The following RABGGTB variants were observed in gnomAD, a reference collection of about 807,000 sequenced individuals.
RABGGTB encodes geranylgeranyl transferase type-2 subunit beta.
Under a neutral mutation model 44.5 loss-of-function variants are expected in RABGGTB, and 20 were observed. The ratio of observed to expected loss-of-function variants is 0.45; its 90% CI spans 0.32 to 0.65. The LOEUF (loss-of-function observed/expected upper bound fraction) is 0.65. Among genes scored for constraint, RABGGTB ranks in the 30% least tolerant of loss-of-function variants. RABGGTB has a pLI of 0.05. For missense variants in RABGGTB, 302 were observed against 398.7 expected (o/e 0.76, Z 2.06); for synonymous variants, 128 against 136.7 (o/e 0.94, Z 0.44).
rs771875525 is a variant in RABGGTB, at chr1:75,787,524, A to G, written c.31A>G (p.Lys11Glu). The G allele has an allele frequency of 6.2e-6, 10 of 1,614,024 alleles. No homozygotes were observed. The highest frequency in any genetic ancestry group is 6.8e-6 in the Non-Finnish European group (8 of 1,179,876). Residue 11 changes from lysine to glutamate, a missense_variant, in exon 2 of 9, where the codon AAG becomes GAG. Physicochemically the swap from Lys to Glu is moderately conservative, Grantham distance 56. Around this residue, in one of 2 missense-constraint regions of RABGGTB, gnomAD observed 89 missense variants for 75.0 expected, o/e 1.19. Coordinates refer to ENST00000319942, the MANE Select transcript of RABGGTB (RefSeq NM_004582.4). Reference sequence around the variant, plus strand: ...CACTCCACAGAAGGATGTTATTATCAAGTCAGATGCACCGGACACTTTGTT... The same window carrying G: ...CACTCCACAGAAGGATGTTATTATCGAGTCAGATGCACCGGACACTTTGTT... MGTPQKDVIIKSDAPDTLLLE... is the reference protein window; with the variant it reads MGTPQKDVIIESDAPDTLLLE...
chr1:75,792,617 T>A (rs2100489571), intron 7 of RABGGTB, among the ~76,000 whole-genome samples: 1 of 152,288 alleles, frequency 6.6e-6, no homozygotes, highest in African/African-American at 2.4e-5. Context: ...TTTGCAATCT[T>A]CTTATTTAAG....
Position 75,789,353 on chromosome 1 carries a change from C to T in RABGGTB, c.306C>T (p.Val102=). 6.2e-7 allele frequency: 1 copy of T among 1,612,558 alleles called. No homozygotes were observed. The highest frequency in any genetic ancestry group is 8.5e-7 in the Non-Finnish European group (1 of 1,178,592). The change falls in exon 3 of 9, where the codon GTC becomes GTT. Residue 102 remains valine, a synonymous_variant. Coordinates refer to ENST00000319942, the MANE Select transcript of RABGGTB (RefSeq NM_004582.4). The part of the protein sequence containing the change: ...DPHLLYTLSA[V]QILTLYDSIN... Reference sequence around the variant, plus strand: ...ATCTTTTATACACTCTTAGTGCTGTCCAGGTAAATACTAATCAAAATTGCA... The same window carrying T: ...ATCTTTTATACACTCTTAGTGCTGTTCAGGTAAATACTAATCAAAATTGCA...
Position 75,792,306 on chromosome 1 carries a change from G to T in RABGGTB, c.705G>T (p.Lys235Asn). Residue 235 changes from lysine (K) to asparagine (N), a missense_variant and splice_region_variant, in exon 7 of 9, where the codon AAG (lysine) becomes AAT (asparagine). Lys to Asn is a moderately conservative substitution (Grantham distance 94). Coordinates refer to ENST00000319942, the MANE Select transcript of RABGGTB (RefSeq NM_004582.4). ...GCGGGCTCAATGGAAGGCCGGAGAAGGTATTGTTTGATAAGCCATATTCTG... is the reference window on the plus strand; with the variant it reads ...GCGGGCTCAATGGAAGGCCGGAGAATGTATTGTTTGATAAGCCATATTCTG... Reference protein sequence around the residue: ...PSGGLNGRPEKLPDVCYSWWV... With the variant: ...PSGGLNGRPENLPDVCYSWWV... 2 of 1,613,536 alleles carry T rather than the reference G, an allele frequency of 1.2e-6. No homozygotes were observed. The highest frequency in any genetic ancestry group is 1.7e-6 in the Non-Finnish European group (2 of 1,179,584).
chr1:75,786,260 T>G lies in RABGGTB; in HGVS notation c.-12T>G. Reference sequence around the variant, plus strand: ...CAGGAACTGACCCTGCTCTCTCCTTTCCCTGTTAGACATGGTAAGTGTGAG... The same window carrying G: ...CAGGAACTGACCCTGCTCTCTCCTTGCCCTGTTAGACATGGTAAGTGTGAG... On this transcript the variant is annotated 5_prime_UTR_variant, in exon 1 of 9. Coordinates refer to ENST00000319942, the MANE Select transcript of RABGGTB (RefSeq NM_004582.4). 1 of 1,614,190 alleles carries G rather than the reference T, an allele frequency of 6.2e-7. No individual in the cohort carries two copies. The highest frequency in any genetic ancestry group is 8.5e-7 in the Non-Finnish European group (1 of 1,180,026).
chr1:75,791,603 TC>T (rs1649649211), intron 6 of RABGGTB, 32 bp downstream of exon 6: 1 of 1,528,228 alleles, frequency 6.5e-7, no homozygotes, highest in African/African-American at 1.4e-5. Context: ...AAATGTATTG[TC>T]ATTTTGGAAG....
chr1:75,794,337 C>CA (rs1649718299), intron 8 of RABGGTB, 104 bp downstream of exon 8: 2 of 1,400,552 alleles, frequency 1.4e-6, no homozygotes, highest in South Asian at 2.9e-5. Context: ...GCTTTGAAAG[C>CA]AGTTTTTTTT....
chr1:75,787,909 G>T (rs769332805), intron 2 of RABGGTB: 17 of 599,232 alleles, frequency 2.8e-5, no homozygotes, highest in South Asian at 2.4e-4. Context: ...GTGTTGGCAT[G>T]TATTATCTGA....
intron 1 of RABGGTB, 97 bp downstream of exon 1, chr1:75,786,371 T>C (rs936026371): frequency 2.0e-6 from 3 of 1,519,610 alleles, no homozygotes; most frequent in Non-Finnish European, 2.7e-6. Flanking sequence ...GGTTTCCTGG[T>C]GCTGGAGAAT....
At chr1:75,791,665 C>T in intron 6 of RABGGTB, 94 bp downstream of exon 6, 1 of 1,085,982 alleles carries the variant, frequency 9.2e-7, no homozygotes, top group Non-Finnish European at 1.4e-6. Flanking sequence ...GTCAAATACA[C>T]ATAAAGTTAA....
At position 75,794,558 on chromosome 1, in the gene RABGGTB, G is replaced by C; in HGVS notation, c.904G>C (p.Gly302Arg). 1.2e-6 allele frequency: 2 copies of C among 1,612,706 alleles called. No homozygotes were observed. Among genetic ancestry groups the C allele is most frequent in the Non-Finnish European group, 1.7e-6 (2 of 1,179,206 alleles). Residue 302 changes from glycine (G) to arginine (R), a missense_variant, in exon 9 of 9, where the codon GGA becomes CGA. Coordinates refer to ENST00000319942, the MANE Select transcript of RABGGTB (RefSeq NM_004582.4). ...LFGIAGLSLL[G>R]EEQIKPVNPV... Reference sequence around the variant, plus strand: ...TGGAATTGCTGGATTGTCACTTTTGGGAGAAGAACAGATTAAACCTGTTAA... The same window carrying C: ...TGGAATTGCTGGATTGTCACTTTTGCGAGAAGAACAGATTAAACCTGTTAA...
intron 3 of RABGGTB, chr1:75,789,665 C>CT (rs1557480626): frequency 1.7e-6 from 1 of 593,722 alleles, no homozygotes; most frequent in Admixed American, 2.6e-5. Flanking sequence ...TCTGGTACTA[C>CT]TGGGTGCTGA....
In RABGGTB at chr1:75,787,521, A is replaced by T. The variant is rs774293237; in HGVS notation, c.28A>T (p.Ile10Phe). The T allele has an allele frequency of 6.2e-7, 1 of 1,613,976 alleles. No individual in the cohort carries two copies. Among genetic ancestry groups the T allele is most frequent in the Non-Finnish European group, 8.5e-7 (1 of 1,179,824 alleles). Residue 10 changes from isoleucine to phenylalanine, a missense_variant, in exon 2 of 9, where the codon ATC becomes TTC. Coordinates refer to ENST00000319942, the MANE Select transcript of RABGGTB (RefSeq NM_004582.4). The part of the protein sequence containing the change: MGTPQKDVI[I>F]KSDAPDTLLL... ...GGGCACTCCACAGAAGGATGTTATT[A>T]TCAAGTCAGATGCACCGGACACTTT...
upstream of RABGGTB, chr1:75,786,231 T>C (rs779090002): frequency 2.0e-5 from 33 of 1,613,662 alleles, no homozygotes; most frequent in Admixed American, 5.0e-5. Flanking sequence ...CTCCTAAGTC[T>C]ACCCAGGAAC....
rs1570932441 is a variant in RABGGTB at position 75,794,762 on chromosome 1, A to C, written c.*112A>C. 1 of 773,988 alleles carries C rather than the reference A, an allele frequency of 1.3e-6. No individual in the cohort carries two copies. The highest frequency in any genetic ancestry group is 3.7e-5 in the East Asian group (1 of 27,288). The allele number at this position is 773,988 out of a possible 1,614,324, so 47.9% of individuals were successfully genotyped here. A position where few individuals can be genotyped will look rare whatever the true frequency, so the allele number is the denominator to read the frequency against. On this transcript the variant is annotated 3_prime_UTR_variant, in exon 9 of 9. Transcript: ENST00000319942. ...CTGTTAATATTTTGTATATTGTGTT[A>C]AATTAATTTTAATAAATTATATAAT...
intron 3 of RABGGTB, 75 bp from the exon 4 acceptor site, chr1:75,789,877 T>C (rs1649603572): frequency 2.7e-6 from 3 of 1,124,796 alleles, no homozygotes; most frequent in South Asian, 2.6e-5. Flanking sequence ...GCTTGACAAC[T>C]TAAAAAGAGT....
In RABGGTB at chr1:75,792,282, C is replaced by T. The variant is rs145913963; in HGVS notation, c.681C>T (p.Gly227=). The T allele has an allele frequency of 8.6e-5, 139 of 1,613,754 alleles. No individual in the cohort carries two copies. The African/African-American group carries it at 1.1e-3, about 13-fold the overall frequency. The change falls in exon 7 of 9, where the codon GGC becomes GGT. Residue 227 remains glycine (G), a synonymous_variant. Coordinates refer to ENST00000319942, the MANE Select transcript of RABGGTB (RefSeq NM_004582.4). ...TTTGTGAACGACAATTACCCTCAGG[C>T]GGGCTCAATGGAAGGCCGGAGAAGG... ...WWLCERQLPS[G]GLNGRPEKLP... is the part of the protein sequence containing the mutation.
intron 1 of RABGGTB, chr1:75,787,076 A>C (rs756810212): frequency 1.9e-6 from 1 of 522,088 alleles, no homozygotes; most frequent in South Asian, 1.4e-5. Context: ...TTTTTGGGTC[A>C]ATGATGAGTT....
chr1:75,791,911 G>A (rs1649656089), intron 6 of RABGGTB: 2 of 388,228 alleles, frequency 5.2e-6, no homozygotes, highest in Non-Finnish European at 9.2e-6. Flanking sequence ...CTCTTTTCTT[G>A]TGCCAGAGAA....
At chr1:75,787,943 ACTTTAGCTCTAGAATTACT>A (rs775392227) in intron 2 of RABGGTB, 1 of 551,286 alleles carries the variant, frequency 1.8e-6, no homozygotes, top group East Asian at 4.8e-5. Context: ...GTGTAATAAC[ACTTTAGCTCTAGAATTACT>A]CTGAGACCTT....
Sources: allele counts gnomAD v4.1 joint callset (sites outside exome capture counted in the v4.1 genomes callset), GRCh38; gene constraint gnomAD v4.1.1; regional missense constraint gnomAD v4.1.1; transcripts MANE v1.5; gene names NCBI Gene and HGNC (gene_info 2026-07-23, HGNC 2026-07-21).